The following AP1G2 variants were observed in gnomAD, a reference collection of about 807,000 sequenced individuals.
The protein encoded by AP1G2 is AP-1 complex subunit gamma-like 2.
In AP1G2, 85 loss-of-function variants were observed where a neutral mutation model predicts 95.8. The ratio of observed to expected loss-of-function variants is 0.89; its 90% confidence interval spans 0.74 to 1.06. The LOEUF (loss-of-function observed/expected upper bound fraction) is 1.06, where lower values mean the gene tolerates loss of function less well. Among genes scored for constraint, AP1G2 ranks in the 50% least tolerant of loss-of-function variants. The pLI, the probability that AP1G2 is intolerant of heterozygous loss-of-function variation, is 0.00. For missense variants in AP1G2, 967 were observed against 1,005.8 expected (o/e 0.96, Z 0.52); for synonymous variants, 378 against 400.0 (o/e 0.94, Z 0.66).
rs755720716 is a variant in AP1G2, at chr14:23,564,095, G to A, written c.1042C>T (p.Arg348Trp). 4.2e-5 allele frequency: 67 copies of A among 1,614,072 alleles called. No homozygotes were observed. Among genetic ancestry groups the A allele is most frequent in the South Asian group, 2.7e-4 (25 of 91,080 alleles). ...QSDHSAVQRH[R>W]PTVVECLRET... Reference sequence around the variant, plus strand: ...CGTAGACATTCCACCACAGTGGGCCGATGCCGCTGCACAGCACTGTGATCA... The same window carrying A: ...CGTAGACATTCCACCACAGTGGGCCAATGCCGCTGCACAGCACTGTGATCA... Residue 348 changes from arginine (R) to tryptophan (W), a missense_variant, in exon 11 of 22, where the codon CGG (arginine) becomes TGG (tryptophan). Coordinates refer to ENST00000397120, the MANE Select transcript of AP1G2 (RefSeq NM_003917.5).
chr14:23,565,727 A>T (rs1887555976), intron 6 of AP1G2, 26 bp from the exon 7 acceptor site: 1 of 1,610,586 alleles, frequency 6.2e-7, no homozygotes, highest in African/African-American at 1.3e-5. Context: ...AACTTTGGGC[A>T]TTCGTTCTAA....
intron 19 of AP1G2, chr14:23,560,990 G>T (rs1566619400): frequency 1.4e-6 from 1 of 703,512 alleles, no homozygotes; most frequent in African/African-American, 1.9e-5. Flanking sequence ...ATGTAAAAAA[G>T]AACATGAAAT....
rs1306592235 is a variant in AP1G2 at position 23,564,566 on chromosome 14, A to G, written c.917T>C (p.Leu306Pro). The G allele has an allele frequency of 6.2e-7, 1 of 1,613,132 alleles. No individual in the cohort carries two copies. Among genetic ancestry groups the G allele is most frequent in the Non-Finnish European group, 8.5e-7 (1 of 1,179,982 alleles). Residue 306 changes from leucine to proline, a missense_variant, in exon 9 of 22, where the codon CTA becomes CCA. Transcript: ENST00000397120. Reference sequence around the variant, plus strand: ...GAGAGGCATAAGGGGTGATACCCGTAGGCCAGCTGCAGAGCGGATATCCAT... The same window carrying G: ...GAGAGGCATAAGGGGTGATACCCGTGGGCCAGCTGCAGAGCGGATATCCAT... ...TIMDIRSAAG[L>P]RVLAVNILGR...
At chr14:23,559,905 G>C in intron 21 of AP1G2, 33 bp downstream of exon 21, 2 of 1,611,040 alleles carry the variant, frequency 1.2e-6, no homozygotes, top group Middle Eastern at 1.7e-4. Context: ...TTCTATCCCT[G>C]GGTCTTGTCT....
Position 23,561,435 on chromosome 14 carries a change from G to A in AP1G2, c.1858-4C>T. 1 of 1,611,696 alleles carries A rather than the reference G, an allele frequency of 6.2e-7. No individual in the cohort carries two copies. Among genetic ancestry groups the A allele is most frequent in the African/African-American group, 1.3e-5 (1 of 74,924 alleles). ...GCAGATCCAGGAGCTGTGAGGCCTGGCAGAAGGGACAGAAGGGGCAGGGCT... is the reference window on the plus strand; with the variant it reads ...GCAGATCCAGGAGCTGTGAGGCCTGACAGAAGGGACAGAAGGGGCAGGGCT... On this transcript the variant is annotated splice_polypyrimidine_tract_variant and splice_region_variant and intron_variant, in intron 18 of 21. Coordinates refer to ENST00000397120, the MANE Select transcript of AP1G2 (RefSeq NM_003917.5).
chr14:23,560,854 C>G (rs2139085969), intron 19 of AP1G2: 1 of 155,770 alleles, frequency 6.4e-6, no homozygotes, highest in Non-Finnish European at 1.3e-5. Flanking sequence ...GGAAGTAAGT[C>G]ATGCCAGAAT....
In AP1G2 at chr14:23,567,569, AT is replaced by A; in HGVS notation, c.-6+169del. The A allele has an allele frequency of 7.7e-7, 1 of 1,298,156 alleles. No individual in the cohort carries two copies. Among genetic ancestry groups the A allele is most frequent in the South Asian group, 2.2e-5 (1 of 45,822 alleles). The allele number at this position is 1,298,156 out of a possible 1,614,324, so 80.4% of individuals were successfully genotyped here. ...TTGAGCATGCGCGGGAGCCCCACCT[AT>A]TTCTCTCTACCGTTTCCTCCCCCTA... On this transcript the variant is annotated intron_variant, in intron 1 of 21. Coordinates refer to ENST00000397120, the MANE Select transcript of AP1G2 (RefSeq NM_003917.5). The surrounding 1 kb of genome is among the most constrained non-coding windows in gnomAD (Gnocchi z 5.3).
At position 23,561,729 on chromosome 14, in the gene AP1G2, C is replaced by T. The variant is rs890630679; in HGVS notation, c.1734-94G>A. ...AGGACTAGGAATATGGAGCCCTGGG[C>T]ACATGGTGGCTCAGAAGTACCCTTC... is the stretch of plus-strand genomic sequence containing the variant. On this transcript the variant is annotated intron_variant, in intron 17 of 21. Coordinates refer to ENST00000397120, the MANE Select transcript of AP1G2 (RefSeq NM_003917.5). 67 of 1,536,918 alleles carry T rather than the reference C, an allele frequency of 4.4e-5. No individual in the cohort carries two copies. The South Asian group carries it at 7.8e-4, about 18-fold the overall frequency.
rs922884877 is a variant in AP1G2 at position 23,559,786 on chromosome 14, A to G, written c.2321T>C (p.Phe774Ser). The change falls in exon 22 of 22, where the codon TTT (phenylalanine) becomes TCT (serine). Residue 774 changes from phenylalanine to serine, a missense_variant. Transcript: ENST00000397120. ...DHFHQSVQEI[F>S]EVNNLPVESW... Reference sequence around the variant, plus strand: ...TTCCACAGGCAAGTTGTTCACCTCAAAGATCTCCTGCACCGACTGGTGAAA... The same window carrying G: ...TTCCACAGGCAAGTTGTTCACCTCAGAGATCTCCTGCACCGACTGGTGAAA... 2.5e-5 allele frequency: 40 copies of G among 1,613,990 alleles called. No homozygotes were observed. The highest frequency in any genetic ancestry group is 3.2e-5 in the Non-Finnish European group (38 of 1,180,024).
chr14:23,560,914 A>T (rs1193175069), intron 19 of AP1G2: 5 of 237,450 alleles, frequency 2.1e-5, no homozygotes, highest in African/African-American at 1.2e-4. Context: ...GGCATCTGAC[A>T]TTTTAGCTGA....
rs1292153279 is a variant in AP1G2 at position 23,559,698 on chromosome 14, G to A, written c.*51C>T. 2 of 1,572,702 alleles carry A rather than the reference G, an allele frequency of 1.3e-6. No individual in the cohort carries two copies. The highest frequency in any genetic ancestry group is 1.1e-5 in the South Asian group (1 of 88,856). ...CAGGTGTAGGTTCGAAGCTGCTGGG[G>A]CCCCCTGGGGTTTGGGACACAGGAG... On this transcript the variant is annotated 3_prime_UTR_variant, in exon 22 of 22. Coordinates refer to ENST00000397120, the MANE Select transcript of AP1G2 (RefSeq NM_003917.5).
chr14:23,564,314 A>G lies in AP1G2; in HGVS notation c.977+19T>C. ...AGGGGATCAGTGGCACAGCCTAGGTAGACAGTTGGGACTATTACCTAATGT... is the reference window on the plus strand; with the variant it reads ...AGGGGATCAGTGGCACAGCCTAGGTGGACAGTTGGGACTATTACCTAATGT... On this transcript the variant is annotated intron_variant, in intron 10 of 21. Transcript: ENST00000397120. 6.2e-7 allele frequency: 1 copy of G among 1,614,122 alleles called. No homozygotes were observed. Among genetic ancestry groups the G allele is most frequent in the Non-Finnish European group, 8.5e-7 (1 of 1,179,970 alleles).
At position 23,565,167 on chromosome 14, in the gene AP1G2, G is replaced by C; in HGVS notation, c.774C>G (p.Gly258=). Residue 258 remains glycine, a synonymous_variant, in exon 8 of 22, where the codon GGC becomes GGG. Coordinates refer to ENST00000397120, the MANE Select transcript of AP1G2 (RefSeq NM_003917.5). ...VQILRLLRIL[G]RNHEESSETM... is the part of the protein sequence containing the mutation. ...TCTCACTGCTCTCCTCGTGGTTCCG[G>C]CCCAGGATCCGAAGCAGACGAAGTA... The C allele has an allele frequency of 6.2e-7, 1 of 1,614,236 alleles. No homozygotes were observed. Among genetic ancestry groups the C allele is most frequent in the Non-Finnish European group, 8.5e-7 (1 of 1,180,034 alleles).
intron 5 of AP1G2, 70 bp from the exon 6 acceptor site, chr14:23,565,962 G>T: frequency 1.2e-6 from 2 of 1,609,140 alleles, no homozygotes; most frequent in Non-Finnish European, 1.7e-6. Context: ...GTGTGCCTGT[G>T]TGTGTGCACT....
At chr14:23,564,531 G>A (rs1329981286) in intron 9 of AP1G2, 31 bp downstream of exon 9, 2 of 1,608,256 alleles carry the variant, frequency 1.2e-6, no homozygotes, top group Non-Finnish European at 1.7e-6. Context: ...GGTGGGCGGG[G>A]CCGTAGTGGG....
In AP1G2 at chr14:23,561,305, G is replaced by A. The variant is rs1227463770; in HGVS notation, c.1984C>T (p.Pro662Ser). ...VHLLDLPCVP[P>S]PPAPIPDLKV... ...CTTTGCTTAGGCTTACCTGGGGGTG[G>A]AGGTACACAGGGAAGGTCAAGCAGG... is the stretch of plus-strand genomic sequence containing the variant. The change falls in exon 19 of 22, where the codon CCA (proline) becomes TCA (serine). Residue 662 changes from proline (P) to serine (S), a missense_variant. Transcript: ENST00000397120. 3 of 1,536,320 alleles carry A rather than the reference G, an allele frequency of 2.0e-6. No individual in the cohort carries two copies. Among genetic ancestry groups the A allele is most frequent in the Admixed American group, 2.1e-5 (1 of 47,338 alleles).
chr14:23,561,869 C>CA, intron 17 of AP1G2, 93 bp downstream of exon 17: 1 of 1,505,042 alleles, frequency 6.6e-7, no homozygotes, highest in Non-Finnish European at 8.9e-7. Flanking sequence ...TATGGAAGAA[C>CA]ACAGGTGAGG....
rs1883599098 is a variant in AP1G2 at position 23,560,324 on chromosome 14, GA to G, written c.2087del (p.Ile696ThrfsTer62). 1 of 1,614,006 alleles carries G rather than the reference GA, an allele frequency of 6.2e-7. No individual in the cohort carries two copies. The highest frequency in any genetic ancestry group is 8.5e-7 in the Non-Finnish European group (1 of 1,180,032). On this transcript the variant is annotated frameshift_variant, in exon 20 of 22. Transcript: ENST00000397120. LOFTEE classifies it high-confidence loss of function. ...RPPENPALLL[I>X]TITATNFSEG... is the part of the protein sequence containing the mutation. ...CTGAGAAGTTGGTGGCAGTGATGGT[GA>G]TTAACAGCAAAGCAGGGTTTTCAGG...
rs1886737472 is a variant in AP1G2 at position 23,564,444 on chromosome 14, AGGACT to A, written c.922-61_922-57del. The A allele has an allele frequency of 8.1e-6, 13 of 1,607,282 alleles. No individual in the cohort carries two copies. In the South Asian group the frequency reaches 1.4e-4, roughly 18 times the overall value. ...AAAGGAGCAACCTGCTCAGCCATTG[AGGACT>A]GGGAACACATTGGCGCAAGATGATG... On this transcript the variant is annotated intron_variant, in intron 9 of 21. Coordinates refer to ENST00000397120, the MANE Select transcript of AP1G2 (RefSeq NM_003917.5).
Sources: allele counts gnomAD v4.1 joint callset, GRCh38; gene constraint gnomAD v4.1.1; non-coding constraint Gnocchi (gnomAD v3.1); transcripts MANE v1.5; gene names NCBI Gene and HGNC (gene_info 2026-07-23, HGNC 2026-07-21).